C8orf34: variants seen among roughly 807,000 people sequenced by gnomAD.
The protein encoded by C8orf34 is uncharacterized protein C8orf34.
Under a neutral mutation model 68.3 loss-of-function variants are expected in C8orf34, and 65 were observed. The ratio of observed to expected loss-of-function variants is 0.95; its 90% CI spans 0.78 to 1.17. The LOEUF (loss-of-function observed/expected upper bound fraction) is 1.17, where lower values mean the gene tolerates loss of function less well. C8orf34 is among the 50% of genes most tolerant of loss of function. The pLI is 0.00. For missense variants in C8orf34, 664 were observed against 655.4 expected (o/e 1.01, Z -0.14); for synonymous variants, 244 against 241.2 (o/e 1.01, Z -0.11).
At chr8:68,668,103 G>T (rs1819895676) in intron 8 of C8orf34, among the ~76,000 whole-genome samples, 1 of 151,914 alleles carries the variant, frequency 6.6e-6, no homozygotes, top group Admixed American at 6.6e-5. Context: ...AAATCCTTTT[G>T]AAAGTATAAA....
At chr8:68,452,704 TG>T (rs375589776) in intron 3 of C8orf34, among the ~76,000 whole-genome samples, 320 of 150,688 alleles carry the variant, frequency 2.1e-3, no homozygotes, top group African/African-American at 7.0e-3. Context: ...TTTTTCCACT[TG>T]GGGGGATTAT....
chr8:68,626,137 G>T (rs1191613177), intron 7 of C8orf34, among the ~76,000 whole-genome samples: 1 of 151,952 alleles, frequency 6.6e-6, no homozygotes, highest in East Asian at 1.9e-4. Flanking sequence ...GAAGTAGAAA[G>T]GACATCAAAT....
intron 8 of C8orf34, among the ~76,000 whole-genome samples, chr8:68,672,013 C>T (rs2130844030): frequency 6.6e-6 from 1 of 152,130 alleles, no homozygotes; most frequent in Admixed American, 6.5e-5. Context: ...GAGGAAAAAA[C>T]CAAAAGTTTA....
chr8:68,565,224 A>G (rs1816550481), intron 7 of C8orf34, among the ~76,000 whole-genome samples: 1 of 152,056 alleles, frequency 6.6e-6, no homozygotes. Context: ...TGTCTCTAGC[A>G]CTGTAGTCGT....
At position 68,426,704 on chromosome 8, in the gene C8orf34, C is replaced by G. The variant is rs1481315077; in HGVS notation, c.328-12795C>G. On this transcript the variant is annotated intron_variant, in intron 1 of 13. Transcript: ENST00000518698. Reference sequence around the variant, plus strand: ...CCAAAATGGTGAAACCCTATCTCTACTAAAAACACAAAAAATTAGCTGGGT... The same window carrying G: ...CCAAAATGGTGAAACCCTATCTCTAGTAAAAACACAAAAAATTAGCTGGGT... Among the ~76,000 whole-genome samples, 4 of 151,674 alleles carry G rather than the reference C, an allele frequency of 2.6e-5. No homozygotes were observed. In the East Asian group the frequency reaches 7.8e-4, roughly 29 times the overall value.
Position 68,746,008 on chromosome 8 carries a change from A to C in C8orf34, c.1404+24571A>C, listed in dbSNP as rs1004391479. Among the ~76,000 whole-genome samples the C allele has an allele frequency of 5.3e-3, 806 of 152,252 alleles. 5 individuals carry two copies. The highest frequency in any genetic ancestry group is 0.019 in the African/African-American group (778 of 41,532). ...AAGTAAAGCTCTTCTCAGCAAATGT[A>C]AAAGAACAGAAATTATAACAAACTA... is the stretch of plus-strand genomic sequence containing the variant. On this transcript the variant is annotated intron_variant, in intron 10 of 13. Coordinates refer to ENST00000518698, the MANE Select transcript of C8orf34 (RefSeq NM_052958.4).
At chr8:68,632,093 AG>A (rs1193679506) in intron 7 of C8orf34, among the ~76,000 whole-genome samples, 1 of 152,204 alleles carries the variant, frequency 6.6e-6, no homozygotes, top group Non-Finnish European at 1.5e-5. Flanking sequence ...GATGTGGGAA[AG>A]TTTGGAACTT....
intron 7 of C8orf34, among the ~76,000 whole-genome samples, chr8:68,583,869 A>T (rs1817133527): frequency 6.6e-6 from 1 of 152,132 alleles, no homozygotes; most frequent in Admixed American, 6.6e-5. Flanking sequence ...CTGCTGCATG[A>T]ACACTGTCAC....
At chr8:68,388,552 C>G (rs1399764486) in intron 1 of C8orf34, among the ~76,000 whole-genome samples, 1 of 152,106 alleles carries the variant, frequency 6.6e-6, no homozygotes, top group African/African-American at 2.4e-5. Flanking sequence ...ACTTTTCCCC[C>G]ACCCCTTCAA....
intron 8 of C8orf34, among the ~76,000 whole-genome samples, chr8:68,708,716 T>C (rs1263029728): frequency 6.6e-6 from 1 of 152,194 alleles, no homozygotes; most frequent in African/African-American, 2.4e-5. Flanking sequence ...AAATACGTGC[T>C]TCTAAACCTT....
At chr8:68,650,334 A>G (rs1819310274) in intron 8 of C8orf34, among the ~76,000 whole-genome samples, 1 of 152,054 alleles carries the variant, frequency 6.6e-6, no homozygotes, top group African/African-American at 2.4e-5. Context: ...GAGAAAATGC[A>G]TTACCAGTTC....
chr8:68,691,027 G>A (rs979395210), intron 8 of C8orf34, among the ~76,000 whole-genome samples: 1 of 152,072 alleles, frequency 6.6e-6, no homozygotes, highest in Non-Finnish European at 1.5e-5. Flanking sequence ...GGCCAGGTCA[G>A]TGTATCCTTT....
rs1022142434 is a variant in C8orf34 at position 68,818,921 on chromosome 8, A to C, written c.*675A>C. The C allele has an allele frequency of 6.6e-6, 1 of 152,166 alleles. No individual in the cohort carries two copies. The highest frequency in any genetic ancestry group is 2.4e-5 in the African/African-American group (1 of 41,442). The allele number at this position is 152,166 out of a possible 1,614,324, so 9.4% of individuals were successfully genotyped here. A position where few individuals can be genotyped will look rare whatever the true frequency, so the allele number is the denominator to read the frequency against. On this transcript the variant is annotated 3_prime_UTR_variant, in exon 14 of 14. Transcript: ENST00000518698. The stretch of plus-strand genomic sequence containing the variant: ...GACCATTTATCCAATTATTGAACCC[A>C]ATTAAGATGATCCATTTTAAATTTA...
intron 10 of C8orf34, among the ~76,000 whole-genome samples, chr8:68,750,172 C>G (rs550407044): frequency 2.6e-5 from 4 of 152,240 alleles, no homozygotes; most frequent in Non-Finnish European, 5.9e-5. Context: ...CTTTACAAAA[C>G]TGTTCATAGC....
At chr8:68,682,604 C>T (rs1820403140) in intron 8 of C8orf34, among the ~76,000 whole-genome samples, 1 of 152,078 alleles carries the variant, frequency 6.6e-6, no homozygotes, top group African/African-American at 2.4e-5. Flanking sequence ...CAAAGAGGCA[C>T]ATTTTCAGGT....
In C8orf34 at chr8:68,652,555, A is replaced by C. The variant is rs554786130; in HGVS notation, c.1241+12044A>C. Among the ~76,000 whole-genome samples, 118 of 152,274 alleles carry C rather than the reference A, an allele frequency of 7.7e-4. 1 individual carries two copies. Among genetic ancestry groups the C allele is most frequent in the African/African-American group, 2.7e-3 (112 of 41,564 alleles). On this transcript the variant is annotated intron_variant, in intron 8 of 13. Transcript: ENST00000518698. ...TTTTGTAAATTTACCACTTATATTC[A>C]GTTCTATGATGTATTTTGACTTAAT...
At chr8:68,655,398 T>C (rs1819483209) in intron 8 of C8orf34, among the ~76,000 whole-genome samples, 1 of 152,232 alleles carries the variant, frequency 6.6e-6, no homozygotes, top group South Asian at 2.1e-4. Context: ...AAGCATTTAA[T>C]ACAAAATCTT....
At chr8:68,544,270 G>T (rs1262699905) in intron 7 of C8orf34, among the ~76,000 whole-genome samples, 1 of 152,112 alleles carries the variant, frequency 6.6e-6, no homozygotes, top group African/African-American at 2.4e-5. Context: ...AACTGAGCTG[G>T]GACACATCGT....
At chr8:68,487,188 CA>C (rs747761757) in intron 4 of C8orf34, among the ~76,000 whole-genome samples, 4 of 152,070 alleles carry the variant, frequency 2.6e-5, no homozygotes, top group African/African-American at 4.8e-5. Flanking sequence ...GGTAGATTAT[CA>C]AGAGAAGTAT....
Sources: allele counts gnomAD v4.1 joint callset (sites outside exome capture counted in the v4.1 genomes callset), GRCh38; gene constraint gnomAD v4.1.1; transcripts MANE v1.5; gene names NCBI Gene and HGNC (gene_info 2026-07-23, HGNC 2026-07-21).